FOXN3: variants seen among roughly 807,000 people sequenced by gnomAD.
The protein encoded by FOXN3 is forkhead box N3, also known as forkhead box protein N3.
A neutral mutation model predicts 38.4 loss-of-function variants in FOXN3; 7 were observed. The observed-to-expected ratio is 0.18, with a 90% CI of 0.10 to 0.34. FOXN3 has a LOEUF of 0.34. Among genes scored for constraint, FOXN3 ranks in the 10% least tolerant of loss-of-function variants. The probability of loss-of-function intolerance (pLI) is 1.00; values close to 1 mark genes in which losing one functional copy is unlikely to be tolerated. For missense variants in FOXN3, 456 were observed against 613.4 expected (o/e 0.74, Z 2.71); for synonymous variants, 230 against 242.2 (o/e 0.95, Z 0.47).
intron 3 of FOXN3, chr14:89,291,215 G>T: frequency 2.3e-6 from 1 of 438,168 alleles, no homozygotes; most frequent in Non-Finnish European, 4.5e-6. Flanking sequence ...TGACATCCGA[G>T]AGATGACTAA....
chr14:89,325,608 C>G (rs924324425), intron 3 of FOXN3, among the ~76,000 whole-genome samples: 1 of 152,214 alleles, frequency 6.6e-6, no homozygotes, highest in Non-Finnish European at 1.5e-5. Flanking sequence ...ATTTATTGAA[C>G]TATCTCTGTA....
At chr14:89,393,633 A>G (rs1361917919) in intron 2 of FOXN3, among the ~76,000 whole-genome samples, 2 of 152,374 alleles carry the variant, frequency 1.3e-5, no homozygotes, top group South Asian at 2.1e-4. Context: ...AAATGGCACA[A>G]ACTGTGCACG....
intron 4 of FOXN3, among the ~76,000 whole-genome samples, chr14:89,210,419 C>T (rs748135960): frequency 4.6e-5 from 7 of 152,208 alleles, no homozygotes; most frequent in African/African-American, 7.2e-5. Context: ...CCTGCAGAAC[C>T]GTAAGCCAAT....
At chr14:89,549,436 T>G (rs1229734614) in intron 1 of FOXN3, among the ~76,000 whole-genome samples, 6 of 152,202 alleles carry the variant, frequency 3.9e-5, no homozygotes, top group African/African-American at 1.4e-4. Context: ...CAATCCCAAT[T>G]ACAACGACAT....
At chr14:89,291,969 A>G (rs1886886671) in intron 3 of FOXN3, among the ~76,000 whole-genome samples, 1 of 152,134 alleles carries the variant, frequency 6.6e-6, no homozygotes, top group Admixed American at 6.5e-5. Context: ...ACTGGGGAAT[A>G]AAACTGCTCC....
intron 4 of FOXN3, among the ~76,000 whole-genome samples, chr14:89,235,837 C>T (rs186122480): frequency 1.2e-4 from 16 of 134,240 alleles, no homozygotes; most frequent in South Asian, 1.0e-3. Context: ...GGAAAGAAAG[C>T]GGCTTCTCTC....
intron 4 of FOXN3, among the ~76,000 whole-genome samples, chr14:89,248,759 G>A (rs1885368958): frequency 6.6e-6 from 1 of 152,168 alleles, no homozygotes; most frequent in Non-Finnish European, 1.5e-5. Flanking sequence ...AAATGAAAAG[G>A]CAAAAACTTC....
chr14:89,495,517 T>A (rs1443371580), intron 1 of FOXN3, among the ~76,000 whole-genome samples: 1 of 152,206 alleles, frequency 6.6e-6, no homozygotes. Context: ...AAAAAGATGT[T>A]AGGGTCCAGT....
rs369585132 is a variant in FOXN3 at position 89,452,654 on chromosome 14, T to C, written c.-14-40164A>G. On this transcript the variant is annotated intron_variant, in intron 1 of 6. Coordinates refer to the FOXN3 transcript ENST00000345097. ...ATGGGCCTTGGGAGGAAATTGGCTA[T>C]TTCCCCTCATGCAGCCCTGAGAAAA... 5.7e-4 allele frequency among the ~76,000 whole-genome samples: 87 copies of C among 152,224 alleles called. 1 individual carries two copies. The highest frequency in any genetic ancestry group is 2.0e-3 in the African/African-American group (83 of 41,550).
chr14:89,297,168 A>T (rs529922950), intron 3 of FOXN3, among the ~76,000 whole-genome samples: 1 of 152,168 alleles, frequency 6.6e-6, no homozygotes, highest in South Asian at 2.1e-4. Context: ...AAGTAACTAT[A>T]TAAGACATTA....
chr14:89,463,158 A>G (rs61996468), intron 1 of FOXN3, among the ~76,000 whole-genome samples: 98,975 of 150,778 alleles, frequency 0.66, 33,055 homozygotes, highest in Middle Eastern at 0.81. Context: ...GCGTGGTGGC[A>G]GGCGCCTGTA....
At chr14:89,172,323 G>C (rs1887410712) in intron 5 of FOXN3, among the ~76,000 whole-genome samples, 1 of 152,152 alleles carries the variant, frequency 6.6e-6, no homozygotes, top group Non-Finnish European at 1.5e-5. Flanking sequence ...CGGGCTTTAA[G>C]CAACCCTCCC....
intron 1 of FOXN3, among the ~76,000 whole-genome samples, chr14:89,591,093 T>A (rs761822918): frequency 5.9e-5 from 9 of 152,242 alleles, no homozygotes; most frequent in Non-Finnish European, 8.8e-5. Flanking sequence ...AAATTTGATA[T>A]GGCTTACTCT....
intron 1 of FOXN3, among the ~76,000 whole-genome samples, chr14:89,513,150 GAAAAAAAAAA>G (rs36003791): frequency 9.8e-6 from 1 of 102,076 alleles, no homozygotes; most frequent in Non-Finnish European, 1.9e-5. Context: ...TCCATCTCAG[GAAAAAAAAAA>G]AAAAAAAAAG....
At chr14:89,473,651 A>T (rs1893154592) in intron 1 of FOXN3, among the ~76,000 whole-genome samples, 1 of 152,172 alleles carries the variant, frequency 6.6e-6, no homozygotes, top group East Asian at 1.9e-4. Flanking sequence ...TACAGGCACA[A>T]GCCACCACAG....
In FOXN3 at chr14:89,585,757, G is replaced by GAA. The variant is rs34382325; in HGVS notation, c.-15+33269_-15+33270dup. Among the ~76,000 whole-genome samples the GAA allele has an allele frequency of 1.5e-3, 203 of 136,842 alleles. No homozygotes were observed. The Middle Eastern group carries it at 0.015, about 10-fold the overall frequency. The allele number at this position is 136,842 out of a possible 152,430, so 89.8% of individuals were successfully genotyped here. A position where few individuals can be genotyped will look rare whatever the true frequency, so the allele number is the denominator to read the frequency against. On this transcript the variant is annotated intron_variant, in intron 1 of 6. Coordinates refer to the FOXN3 transcript ENST00000345097. ...CCACTCCCACTGCTTCACTTGACTA[G>GAA]AAAAAAAAAAAAAAAGAAAGGAAGG...
intron 5 of FOXN3, among the ~76,000 whole-genome samples, chr14:89,173,947 T>C (rs1887455216): frequency 6.6e-6 from 1 of 152,180 alleles, no homozygotes; most frequent in African/African-American, 2.4e-5. Flanking sequence ...GAGCCGTGAT[T>C]GTGCCACTGC....
intron 1 of FOXN3, among the ~76,000 whole-genome samples, chr14:89,465,149 TC>T (rs1892948692): frequency 1.3e-5 from 2 of 152,168 alleles, no homozygotes; most frequent in African/African-American, 4.8e-5. Flanking sequence ...TCCTGAGGCC[TC>T]CCCAGCCATG....
chr14:89,404,085 A>C (rs1891320528), intron 2 of FOXN3, among the ~76,000 whole-genome samples: 1 of 152,174 alleles, frequency 6.6e-6, no homozygotes, highest in Non-Finnish European at 1.5e-5. Context: ...TACTTTAAAA[A>C]GTTTGTTGAA....
Sources: gnomAD v4.1 joint callset for allele counts (sites outside exome capture counted in the v4.1 genomes callset) on GRCh38, gnomAD v4.1.1 for gene constraint, MANE v1.5 for transcripts, NCBI Gene and HGNC (gene_info 2026-07-23, HGNC 2026-07-21) for gene names.